Variants in SPOCK2 observed in about 807,000 individuals in gnomAD.
The protein encoded by SPOCK2 is testican-2.
In SPOCK2, 39 loss-of-function variants were observed where a neutral mutation model predicts 60.1. The observed-to-expected ratio is 0.65, with a 90% CI of 0.50 to 0.85. The LOEUF is 0.85. Among genes scored for constraint, SPOCK2 ranks in the 40% least tolerant of loss-of-function variants. The pLI is 0.00. For synonymous variants in SPOCK2, 217 were observed against 231.5 expected (o/e 0.94, Z 0.57); for missense variants, 523 against 567.4 (o/e 0.92, Z 0.80).
At chr10:72,079,715 A>G (rs1840758384) in intron 1 of SPOCK2, among the ~76,000 whole-genome samples, 1 of 152,158 alleles carries the variant, frequency 6.6e-6, no homozygotes, top group Non-Finnish European at 1.5e-5. Flanking sequence ...CTTGGGACCT[A>G]GCAGCGAATC....
At chr10:72,065,893 C>T (rs1388272965) in intron 8 of SPOCK2, among the ~76,000 whole-genome samples, 4 of 152,190 alleles carry the variant, frequency 2.6e-5, no homozygotes, top group African/African-American at 4.8e-5. Flanking sequence ...TTTCCTGACG[C>T]AGATGAAGAA....
Position 72,070,386 on chromosome 10 carries a change from A to G in SPOCK2, c.400T>C (p.Ser134Pro). The G allele has an allele frequency of 1.2e-6, 2 of 1,614,116 alleles. No homozygotes were observed. The highest frequency in any genetic ancestry group is 1.7e-6 in the Non-Finnish European group (2 of 1,180,008). Residue 134 changes from serine to proline, a missense_variant, in exon 5 of 11, where the codon TCC becomes CCC. Physicochemically the swap from Ser to Pro is moderately conservative, Grantham distance 74. Transcript: ENST00000373109. ...PTVKLHGNKDSICKPCHMAQL... is the reference protein window; with the variant it reads ...PTVKLHGNKDPICKPCHMAQL... ...GCCATGTGGCAGGGCTTGCAGATGG[A>G]GTCTTTGTTTCCATGGAGTTTCACG...
In SPOCK2 at chr10:72,088,516, A is replaced by G; in HGVS notation, c.-188T>C. On this transcript the variant is annotated 5_prime_UTR_variant, in exon 1 of 11. Coordinates refer to ENST00000373109, the MANE Select transcript of SPOCK2 (RefSeq NM_001244950.2). ...GGTTAGGAGATGCACTTGTCTGAAA[A>G]AGCCCAGCACTGGACGCGGAGAGGG... 1.6e-6 allele frequency: 1 copy of G among 644,288 alleles called. No homozygotes were observed. Among genetic ancestry groups the G allele is most frequent in the Non-Finnish European group, 2.6e-6 (1 of 392,000 alleles). 39.9% of individuals were successfully genotyped at this position (644,288 alleles called of 1,614,324 possible).
chr10:72,072,108 C>G lies in SPOCK2; in HGVS notation c.359+36G>C, dbSNP rs200376336. 3 of 1,443,448 alleles carry G rather than the reference C, an allele frequency of 2.1e-6. No individual in the cohort carries two copies. The Admixed American group carries it at 8.6e-5, about 41-fold the overall frequency. 89.4% of individuals were successfully genotyped at this position (1,443,448 alleles called of 1,614,324 possible). ...GTTGAGCCCTTGCTCTTTGAACACA[C>G]CCCCTCCAGGGCTCCCACCTCCCCA... On this transcript the variant is annotated intron_variant, in intron 4 of 10. Transcript: ENST00000373109.
intron 1 of SPOCK2, among the ~76,000 whole-genome samples, chr10:72,080,399 T>C (rs1245557): frequency 0.6 from 91,829 of 152,076 alleles, 29,451 homozygotes; most frequent in African/African-American, 0.83. Context: ...GCCAGTCCAC[T>C]GAAGAAGGCC....
intron 1 of SPOCK2, among the ~76,000 whole-genome samples, chr10:72,074,248 G>T (rs1017100795): frequency 6.6e-6 from 1 of 152,160 alleles, no homozygotes. Context: ...GCCTCCCCTG[G>T]AAGCTGGCAA....
chr10:72,070,469 T>C (rs1437967335), intron 4 of SPOCK2, 43 bp from the exon 5 acceptor site: 2 of 1,592,490 alleles, frequency 1.3e-6, no homozygotes, highest in Non-Finnish European at 1.7e-6. Flanking sequence ...GAAGTGACAA[T>C]GAGGAAGGAG....
intron 4 of SPOCK2, 101 bp downstream of exon 4, chr10:72,072,043 T>C: frequency 1.1e-6 from 1 of 925,694 alleles, no homozygotes; most frequent in Non-Finnish European, 1.5e-6. Context: ...TTACAATTTA[T>C]TTAACAGCAG....
At chr10:72,064,155 G>C in intron 9 of SPOCK2, 23 bp downstream of exon 9, 1 of 1,611,314 alleles carries the variant, frequency 6.2e-7, no homozygotes, top group Non-Finnish European at 8.5e-7. Flanking sequence ...CTCCTCCTCT[G>C]AGAGCCTGGT....
chr10:72,086,548 C>T, intron 1 of SPOCK2: 1 of 1,141,004 alleles, frequency 8.8e-7, no homozygotes, highest in South Asian at 1.9e-5. Flanking sequence ...CCTGCTGCCG[C>T]CCCCTCGCTG....
chr10:72,072,411 C>A (rs1840660059), intron 3 of SPOCK2, 92 bp downstream of exon 3: 2 of 1,580,268 alleles, frequency 1.3e-6, no homozygotes, highest in Admixed American at 1.8e-5. Flanking sequence ...CCTGGCTGCT[C>A]AAGGAGCCCC....
In SPOCK2 at chr10:72,087,615, A is replaced by G. The variant is rs1433842722; in HGVS notation, c.189+525T>C. Reference sequence around the variant, plus strand: ...AGAGCCCCGGTCACACTCCCGTCCCATGCTGTCCCCCTCCCGCAAAGCCCA... The same window carrying G: ...AGAGCCCCGGTCACACTCCCGTCCCGTGCTGTCCCCCTCCCGCAAAGCCCA... On this transcript the variant is annotated intron_variant, in intron 1 of 10. Coordinates refer to ENST00000373109, the MANE Select transcript of SPOCK2 (RefSeq NM_001244950.2). This position sits in a 1 kb window ranked among gnomAD's most constrained non-coding sequence, Gnocchi z 4.7. Among the ~76,000 whole-genome samples the G allele has an allele frequency of 6.6e-6, 1 of 152,088 alleles. No individual in the cohort carries two copies. The highest frequency in any genetic ancestry group is 2.4e-5 in the African/African-American group (1 of 41,416).
At chr10:72,088,078 C>A (rs940339033) in intron 1 of SPOCK2, 62 bp downstream of exon 1, 13 of 1,587,986 alleles carry the variant, frequency 8.2e-6, no homozygotes, top group Admixed American at 1.7e-5. Context: ...CCCGCAGACC[C>A]CGGAGCTCAA....
At chr10:72,074,720 G>C (rs1272381514) in intron 1 of SPOCK2, among the ~76,000 whole-genome samples, 1 of 152,186 alleles carries the variant, frequency 6.6e-6, no homozygotes, top group Non-Finnish European at 1.5e-5. Flanking sequence ...GAAGGATGGG[G>C]AGGGCGGGAG....
intron 1 of SPOCK2, among the ~76,000 whole-genome samples, chr10:72,077,640 C>T (rs1236286109): frequency 2.0e-5 from 3 of 152,326 alleles, no homozygotes; most frequent in South Asian, 2.1e-4. Context: ...ACCCCAAACA[C>T]GGGGCCTCTG....
At chr10:72,070,686 G>A (rs182142313) in intron 4 of SPOCK2, among the ~76,000 whole-genome samples, 73 of 152,180 alleles carry the variant, frequency 4.8e-4, no homozygotes, top group African/African-American at 1.8e-3. Flanking sequence ...GGGCCTTCAG[G>A]TAGCAACTCC....
intron 8 of SPOCK2, 97 bp downstream of exon 8, chr10:72,066,805 G>A (rs1057257536): frequency 4.5e-5 from 64 of 1,407,446 alleles, no homozygotes; most frequent in Non-Finnish European, 5.7e-5. Context: ...TGGGGACGTA[G>A]CCAAGAAAGA....
chr10:72,086,172 AACAC>A (rs1231896836), intron 1 of SPOCK2: 31 of 985,078 alleles, frequency 3.1e-5, no homozygotes, highest in Non-Finnish European at 3.7e-5. Context: ...TACCAAAATC[AACAC>A]ACACCTAAAG....
intron 5 of SPOCK2, among the ~76,000 whole-genome samples, chr10:72,069,027 C>T (rs997348959): frequency 1.3e-5 from 2 of 152,204 alleles, no homozygotes; most frequent in South Asian, 2.1e-4. Context: ...GGCCATGAGC[C>T]GGGATGAAAG....
Sources: allele counts gnomAD v4.1 joint callset (sites outside exome capture counted in the v4.1 genomes callset), GRCh38; gene constraint gnomAD v4.1.1; non-coding constraint Gnocchi (gnomAD v3.1); transcripts MANE v1.5; gene names NCBI Gene and HGNC (gene_info 2026-07-23, HGNC 2026-07-21).